Variants in DAAM1 observed in about 807,000 individuals in gnomAD.
The protein encoded by DAAM1 is dishevelled associated activator of morphogenesis 1.
In DAAM1, 52 loss-of-function variants were observed where a neutral mutation model predicts 130.0. The ratio of observed to expected loss-of-function variants is 0.40; its 90% CI spans 0.32 to 0.50. DAAM1 has a LOEUF of 0.50. Among genes scored for constraint, DAAM1 ranks in the 20% least tolerant of loss-of-function variants. The probability of loss-of-function intolerance (pLI) is 0.61; values close to 1 mark genes in which losing one functional copy is unlikely to be tolerated. For missense variants in DAAM1, 1,134 were observed against 1,303.8 expected, an observed-to-expected ratio of 0.87 and a Z score of 2.01; for synonymous variants, 452 against 444.5, an observed-to-expected ratio of 1.02 and a Z score of -0.21.
chr14:59,238,907 G>A (rs534257697), intron 1 of DAAM1, among the ~76,000 whole-genome samples: 2 of 152,292 alleles, frequency 1.3e-5, no homozygotes, highest in East Asian at 1.9e-4. Flanking sequence ...AGGAGCCTAA[G>A]GCTACCCTTT....
chr14:59,357,830 T>G (rs1886544753), intron 20 of DAAM1, among the ~76,000 whole-genome samples: 1 of 151,914 alleles, frequency 6.6e-6, no homozygotes, highest in Non-Finnish European at 1.5e-5. Flanking sequence ...ATATGAAAAA[T>G]AAGTGGCCAA....
intron 20 of DAAM1, among the ~76,000 whole-genome samples, chr14:59,358,259 A>C (rs1028170929): frequency 1.3e-5 from 2 of 152,170 alleles, no homozygotes; most frequent in African/African-American, 2.4e-5. Flanking sequence ...TGACAATGGG[A>C]TCAGACCAAC....
At chr14:59,330,312 C>T (rs1885376032) in intron 12 of DAAM1, among the ~76,000 whole-genome samples, 189 bp from the exon 13 acceptor site, 1 of 152,038 alleles carries the variant, frequency 6.6e-6, no homozygotes, top group Non-Finnish European at 1.5e-5. Flanking sequence ...ATTGTTCATC[C>T]GAAGCCCACT....
At chr14:59,270,936 GTAT>G in intron 2 of DAAM1, among the ~76,000 whole-genome samples, 1 of 152,232 alleles carries the variant, frequency 6.6e-6, no homozygotes, top group African/African-American at 2.4e-5. Flanking sequence ...TTTTTGAAGT[GTAT>G]TATAGTCAGT....
intron 8 of DAAM1, among the ~76,000 whole-genome samples, chr14:59,325,327 G>C (rs1020605692): frequency 6.6e-6 from 1 of 152,196 alleles, no homozygotes; most frequent in Non-Finnish European, 1.5e-5. Flanking sequence ...TCAGCTGGAA[G>C]TTAAGTGTAG....
chr14:59,359,224 C>A, intron 20 of DAAM1, 173 bp from the exon 21 acceptor site: 1 of 515,458 alleles, frequency 1.9e-6, no homozygotes, highest in African/African-American at 1.9e-5. Flanking sequence ...TCTTGAGAAT[C>A]CCTGCCTTAC....
At chr14:59,219,299 G>T (rs1055283953) in intron 1 of DAAM1, among the ~76,000 whole-genome samples, 27 of 152,170 alleles carry the variant, frequency 1.8e-4, no homozygotes, top group Middle Eastern at 3.4e-3. Context: ...ATTGTGTGGG[G>T]TTTTTTCTTT....
At chr14:59,217,459 G>A (rs1026872503) in intron 1 of DAAM1, among the ~76,000 whole-genome samples, 1 of 152,134 alleles carries the variant, frequency 6.6e-6, no homozygotes, top group Non-Finnish European at 1.5e-5. Flanking sequence ...GTAAAAGTTT[G>A]ACATTTGATT....
At chr14:59,288,332 A>G (rs190798384) in intron 2 of DAAM1, among the ~76,000 whole-genome samples, 1 of 152,344 alleles carries the variant, frequency 6.6e-6, no homozygotes, top group East Asian at 1.9e-4. Flanking sequence ...AGGAAAACCT[A>G]GGAAATACCA....
chr14:59,327,055 T>C (rs1208859345), intron 12 of DAAM1, 64 bp downstream of exon 12: 3 of 1,571,588 alleles, frequency 1.9e-6, no homozygotes, highest in African/African-American at 1.4e-5. Context: ...GATTTCCATA[T>C]ATTTTGGAAA....
At chr14:59,312,494 A>G (rs1404325553) in intron 3 of DAAM1, among the ~76,000 whole-genome samples, 1 of 152,232 alleles carries the variant, frequency 6.6e-6, no homozygotes, top group Non-Finnish European at 1.5e-5. Flanking sequence ...AGAGAAGTGT[A>G]TCACAGTCAT....
At chr14:59,353,006 GAA>G (rs1191234344) in intron 18 of DAAM1, among the ~76,000 whole-genome samples, 1 of 141,182 alleles carries the variant, frequency 7.1e-6, no homozygotes, top group East Asian at 2.1e-4. Context: ...AAAAAAAAAA[GAA>G]AAAAAAATAT....
intron 2 of DAAM1, among the ~76,000 whole-genome samples, chr14:59,277,762 TGTA>T (rs1237718920): frequency 1.3e-5 from 2 of 152,092 alleles, no homozygotes; most frequent in Non-Finnish European, 2.9e-5. Flanking sequence ...AAGTCTAAGA[TGTA>T]GTAAGATTTA....
intron 22 of DAAM1, 102 bp downstream of exon 22, chr14:59,360,964 G>A (rs1012842680): frequency 1.1e-6 from 1 of 928,990 alleles, no homozygotes; most frequent in Admixed American, 2.5e-5. Flanking sequence ...GTATGCCCGG[G>A]ATAAACATTT....
intron 1 of DAAM1, among the ~76,000 whole-genome samples, chr14:59,219,018 T>C (rs1166347812): frequency 6.6e-6 from 1 of 151,988 alleles, no homozygotes; most frequent in Non-Finnish European, 1.5e-5. Flanking sequence ...GACAGAGGAG[T>C]GGCAGTTATT....
At position 59,358,326 on chromosome 14, in the gene DAAM1, A is replaced by G. The variant is rs181208537; in HGVS notation, c.2526-1071A>G. On this transcript the variant is annotated intron_variant, in intron 20 of 24. Coordinates refer to ENST00000360909, the MANE Select transcript of DAAM1 (RefSeq NM_001270520.2). Reference sequence around the variant, plus strand: ...CTTGCTGGCCTTTTCCATCCAGGTCAGTCAGAGTTCAGCCCTGTCACCACC... The same window carrying G: ...CTTGCTGGCCTTTTCCATCCAGGTCGGTCAGAGTTCAGCCCTGTCACCACC... Among the ~76,000 whole-genome samples, 9 of 152,362 alleles carry G rather than the reference A, an allele frequency of 5.9e-5. No individual in the cohort carries two copies. In the East Asian group the frequency reaches 1.7e-3, roughly 29 times the overall value.
chr14:59,190,190 A>C (rs1887690482), intron 1 of DAAM1, among the ~76,000 whole-genome samples: 1 of 148,198 alleles, frequency 6.7e-6, no homozygotes, highest in African/African-American at 2.5e-5. Context: ...CAGCCCCGGG[A>C]CTCTCCCCTT....
chr14:59,326,099 A>C lies in DAAM1; in HGVS notation c.1174+22A>C, dbSNP rs753955838. On this transcript the variant is annotated intron_variant, in intron 10 of 24. Transcript: ENST00000360909. ...CCTTGTAAGTGTGTTCGTGACTCAC[A>C]TGTGTGCTTCTGAATGTTTGGACAT... The C allele has an allele frequency of 1.9e-6, 3 of 1,601,148 alleles. No homozygotes were observed. The Admixed American group carries it at 5.0e-5, about 27-fold the overall frequency.
At chr14:59,195,870 G>T (rs551349208) in intron 1 of DAAM1, among the ~76,000 whole-genome samples, 1 of 150,184 alleles carries the variant, frequency 6.7e-6, no homozygotes, top group Admixed American at 6.6e-5. Context: ...ATTCTAGTCA[G>T]ATTTTTTCTG....
Sources: allele counts gnomAD v4.1 joint callset (sites outside exome capture counted in the v4.1 genomes callset), GRCh38; gene constraint gnomAD v4.1.1; transcripts MANE v1.5; gene names NCBI Gene and HGNC (gene_info 2026-07-23, HGNC 2026-07-21).